Variants in NPSR1 observed in about 807,000 individuals in gnomAD.
NPSR1 encodes neuropeptide S receptor 1, also known as neuropeptide S receptor.
Under a neutral mutation model 46.9 loss-of-function variants are expected in NPSR1, and 48 were observed. The observed-to-expected ratio is 1.02, with a 90% CI of 0.81 to 1.30. The LOEUF (loss-of-function observed/expected upper bound fraction) is 1.30, where lower values mean the gene tolerates loss of function less well. Among genes scored for constraint, NPSR1 ranks in the 50% most tolerant of loss-of-function variants. The pLI is 0.00. For missense variants in NPSR1, 450 were observed against 449.5 expected, an observed-to-expected ratio of 1.00 and a Z score of -0.01; for synonymous variants, 176 against 168.1, an observed-to-expected ratio of 1.05 and a Z score of -0.36.
intron 8 of NPSR1, among the ~76,000 whole-genome samples, chr7:34,865,474 C>T (rs1409167006): frequency 6.6e-6 from 1 of 151,760 alleles, no homozygotes; most frequent in East Asian, 1.9e-4. Context: ...GCGACTTAAG[C>T]CCCTCTTTCT....
At chr7:34,704,369 T>G (rs1793997534) in intron 2 of NPSR1, among the ~76,000 whole-genome samples, 1 of 152,144 alleles carries the variant, frequency 6.6e-6, no homozygotes, top group South Asian at 2.1e-4. Flanking sequence ...AAACTAATAG[T>G]TTTTGCTGTC....
At chr7:34,860,745 G>A (rs7798287) in intron 8 of NPSR1, among the ~76,000 whole-genome samples, 42,260 of 151,646 alleles carry the variant, frequency 0.28, 6,486 homozygotes, top group Middle Eastern at 0.35. Context: ...ACACATGACA[G>A]AACAAAAATG....
chr7:34,674,522 C>G (rs1360080555), intron 1 of NPSR1, among the ~76,000 whole-genome samples: 1 of 152,206 alleles, frequency 6.6e-6, no homozygotes, highest in Non-Finnish European at 1.5e-5. Context: ...GTCTCAGGGA[C>G]AGGGCAGTAG....
chr7:34,671,388 A>C (rs1359756392), intron 1 of NPSR1, among the ~76,000 whole-genome samples: 4 of 152,188 alleles, frequency 2.6e-5, no homozygotes, highest in Non-Finnish European at 5.9e-5. Context: ...TAACCATGTA[A>C]GATACACCAT....
intron 2 of NPSR1, among the ~76,000 whole-genome samples, chr7:34,745,655 A>T (rs1434732712): frequency 6.6e-6 from 1 of 152,144 alleles, no homozygotes; most frequent in Non-Finnish European, 1.5e-5. Context: ...AGTAGCTGGA[A>T]CTATAGGTGT....
intron 2 of NPSR1, among the ~76,000 whole-genome samples, chr7:34,701,235 C>T (rs1395349879): frequency 6.6e-6 from 1 of 152,208 alleles, no homozygotes; most frequent in Non-Finnish European, 1.5e-5. Context: ...AACTCAGCTG[C>T]CTAAAAACAG....
At chr7:34,825,820 C>T (rs986219876) in intron 4 of NPSR1, among the ~76,000 whole-genome samples, 1 of 152,082 alleles carries the variant, frequency 6.6e-6, no homozygotes, top group Admixed American at 6.5e-5. Flanking sequence ...TTCCCTGTAC[C>T]CCAGCTCCAG....
At chr7:34,748,569 T>C (rs545747792) in intron 2 of NPSR1, among the ~76,000 whole-genome samples, 2 of 152,302 alleles carry the variant, frequency 1.3e-5, no homozygotes, top group South Asian at 4.1e-4. Flanking sequence ...CAACCGGGAA[T>C]TCCTACATTA....
chr7:34,787,176 G>T (rs1350947452), intron 3 of NPSR1, among the ~76,000 whole-genome samples: 2 of 152,048 alleles, frequency 1.3e-5, no homozygotes, highest in African/African-American at 4.8e-5. Flanking sequence ...CAATATTCTG[G>T]ATAACTTAAT....
intron 4 of NPSR1, among the ~76,000 whole-genome samples, chr7:34,823,399 G>GAAAAAAGAAAAAAAAAAAAAAAAAAAAA (rs1789656259): frequency 1.5e-5 from 1 of 68,272 alleles, no homozygotes; most frequent in Non-Finnish European, 3.0e-5. Flanking sequence ...GACTTCACCA[G>GAAAAAAGAAAAAAAAAAAAAAAAAAAAA]AAAAAAAAAA....
At chr7:34,862,031 G>C (rs1395880737) in intron 8 of NPSR1, among the ~76,000 whole-genome samples, 2 of 151,810 alleles carry the variant, frequency 1.3e-5, no homozygotes, top group African/African-American at 4.9e-5. Flanking sequence ...CACTCCCCCA[G>C]TGCCAACCAT....
At chr7:34,728,854 T>C (rs900870240) in intron 2 of NPSR1, 1 of 152,692 alleles carries the variant, frequency 6.5e-6, no homozygotes, top group Non-Finnish European at 1.5e-5. Flanking sequence ...TAAATGTCTG[T>C]AAATTTTCAT....
At chr7:34,752,727 A>ACATATTAAGTTTACTATTAT (rs1295625159) in intron 2 of NPSR1, among the ~76,000 whole-genome samples, 1 of 152,220 alleles carries the variant, frequency 6.6e-6, no homozygotes, top group Non-Finnish European at 1.5e-5. Flanking sequence ...AAACTCAATG[A>ACATATTAAGTTTACTATTAT]CATATTAAAT....
chr7:34,758,277 C>A (rs1203732338), intron 2 of NPSR1: 1 of 152,144 alleles, frequency 6.6e-6, no homozygotes, highest in Non-Finnish European at 1.5e-5. Flanking sequence ...CCTAGACCTC[C>A]CCAGAGAGTG....
chr7:34,687,506 G>A (rs1792997304), intron 2 of NPSR1, among the ~76,000 whole-genome samples: 1 of 152,110 alleles, frequency 6.6e-6, no homozygotes, highest in South Asian at 2.1e-4. Context: ...TTCTTCACAA[G>A]GCAGCAAGGT....
At chr7:34,663,651 G>A (rs907756188) in intron 1 of NPSR1, among the ~76,000 whole-genome samples, 18 of 152,102 alleles carry the variant, frequency 1.2e-4, no homozygotes, top group South Asian at 2.1e-4. Flanking sequence ...CAGTTGCCTC[G>A]CATCTCCCCA....
intron 4 of NPSR1, among the ~76,000 whole-genome samples, chr7:34,818,383 G>A (rs1033830169): frequency 4.6e-5 from 7 of 152,108 alleles, no homozygotes; most frequent in Admixed American, 6.6e-5. Flanking sequence ...ACCTTTTCAA[G>A]GAGAACTACA....
At chr7:34,823,881 A>G (rs1789696402) in intron 4 of NPSR1, among the ~76,000 whole-genome samples, 1 of 152,196 alleles carries the variant, frequency 6.6e-6, no homozygotes, top group Admixed American at 6.5e-5. Flanking sequence ...GCTCCAGGGC[A>G]GATCTGGGAG....
At chr7:34,868,233 C>A (rs180802493) in intron 8 of NPSR1, among the ~76,000 whole-genome samples, 8 of 151,690 alleles carry the variant, frequency 5.3e-5, no homozygotes, top group East Asian at 1.9e-4. Flanking sequence ...TAGGAAGGGT[C>A]TAAAACCTCT....
Sources: gnomAD v4.1 joint callset for allele counts (sites outside exome capture counted in the v4.1 genomes callset) on GRCh38, gnomAD v4.1.1 for gene constraint, MANE v1.5 for transcripts, NCBI Gene and HGNC (gene_info 2026-07-23, HGNC 2026-07-21) for gene names.